The following MCF2L variants were observed in gnomAD, a reference collection of about 807,000 sequenced individuals.
The protein encoded by MCF2L is MCF.2 cell line derived transforming sequence like.
In MCF2L, 97 loss-of-function variants were observed where a neutral mutation model predicts 153.4. The ratio of observed to expected loss-of-function variants is 0.63; its 90% confidence interval spans 0.54 to 0.75. The LOEUF is 0.75. Ranked by LOEUF, MCF2L falls within the 30% of genes least tolerant of loss-of-function variation. The probability of loss-of-function intolerance (pLI) is 0.00; values close to 1 mark genes in which losing one functional copy is unlikely to be tolerated. For synonymous variants in MCF2L, 659 were observed against 632.2 expected (o/e 1.04, Z -0.64); for missense variants, 1,347 against 1,495.2 (o/e 0.90, Z 1.64).
At chr13:113,037,518 T>A (rs1181998840) in intron 3 of MCF2L, among the ~76,000 whole-genome samples, 1 of 152,214 alleles carries the variant, frequency 6.6e-6, no homozygotes, top group Non-Finnish European at 1.5e-5. Flanking sequence ...CATGTAAATG[T>A]TTCTGTTAGA....
chr13:112,976,191 CGTGTGT>C (rs56098508), intron 1 of MCF2L, among the ~76,000 whole-genome samples: 1 of 148,830 alleles, frequency 6.7e-6, no homozygotes, highest in South Asian at 2.1e-4. Flanking sequence ...TGTGTGTGTG[CGTGTGT>C]GTGTGTGTGT....
At position 113,096,446 on chromosome 13, in the gene MCF2L, G is replaced by A. The variant is rs182853129; in HGVS notation, c.3151G>A (p.Val1051Met). The change falls in exon 28 of 30, where the codon GTG becomes ATG. Residue 1051 changes from valine (V) to methionine (M), a missense_variant. By Grantham distance (21) the Val-to-Met change is conservative. Around this residue, in one of 3 missense-constraint regions of MCF2L, gnomAD observed 383 missense variants for 335.4 expected, o/e 1.14. Coordinates refer to ENST00000535094, the MANE Select transcript of MCF2L (RefSeq NM_001112732.3). Reference sequence around the variant, plus strand: ...TGCGCTGCGCGTGAGGAGCGGGGACGTGGTGGAGCTGGTGCAGGAGGGCGA... The same window carrying A: ...TGCGCTGCGCGTGAGGAGCGGGGACATGGTGGAGCTGGTGCAGGAGGGCGA... ...PDALRVRSGD[V>M]VELVQEGDEG... 21 of 1,594,380 alleles carry A rather than the reference G, an allele frequency of 1.3e-5. No individual in the cohort carries two copies. The highest frequency in any genetic ancestry group is 1.2e-4 in the African/African-American group (9 of 74,714).
chr13:113,087,426 T>A lies in MCF2L; in HGVS notation c.2565T>A (p.Ala855=). The change falls in exon 22 of 30, where the codon GCT becomes GCA. Residue 855 remains alanine, a synonymous_variant. Transcript: ENST00000535094. ...AGAATGGGGAGGGGTATGAGAAAGC[T>A]CCCTCCTACAGCTACAAGCAGTCCT... ...REENGEGYEK[A]PSYSYKQSLN... is the part of the protein sequence containing the mutation. 1 of 1,612,018 alleles carries A rather than the reference T, an allele frequency of 6.2e-7. No homozygotes were observed. The highest frequency in any genetic ancestry group is 8.5e-7 in the Non-Finnish European group (1 of 1,179,352).
Position 113,028,955 on chromosome 13 carries a change from T to C in MCF2L, c.278+4197T>C, listed in dbSNP as rs113001447. 3.3e-3 allele frequency among the ~76,000 whole-genome samples: 498 copies of C among 151,266 alleles called. 3 individuals carry two copies. Among genetic ancestry groups the C allele is most frequent in the African/African-American group, 0.012 (478 of 41,154 alleles). On this transcript the variant is annotated intron_variant, in intron 3 of 29. Transcript: ENST00000535094. This position sits in a 1 kb window ranked among gnomAD's most constrained non-coding sequence, Gnocchi z 5.4. ...GTGTGTGTGGTATGTGTGGACTATG[T>C]GAGGCATGTGTGGGGTGAGTGTGGG...
At chr13:112,931,369 G>A (rs191060223) in intron 2 of MCF2L, among the ~76,000 whole-genome samples, 9 of 152,350 alleles carry the variant, frequency 5.9e-5, no homozygotes, top group African/African-American at 2.2e-4. Context: ...CGGCAGTGCT[G>A]ACGCTGCTCT....
Position 113,022,648 on chromosome 13 carries a change from C to T in MCF2L, c.164-1996C>T, listed in dbSNP as rs146683592. Among the ~76,000 whole-genome samples the T allele has an allele frequency of 1.2e-3, 176 of 152,346 alleles. 1 individual carries two copies. Among genetic ancestry groups the T allele is most frequent in the African/African-American group, 3.7e-3 (152 of 41,580 alleles). ...GCGTGCCGCTTGCCTCGGCTTGTCCCGGCAGAACACTCTTACCTTTAATGG... is the reference window on the plus strand; with the variant it reads ...GCGTGCCGCTTGCCTCGGCTTGTCCTGGCAGAACACTCTTACCTTTAATGG... On this transcript the variant is annotated intron_variant, in intron 2 of 29. Transcript: ENST00000535094.
intron 1 of MCF2L, among the ~76,000 whole-genome samples, chr13:113,014,055 C>T (rs551392450): frequency 1.3e-5 from 2 of 152,122 alleles, no homozygotes; most frequent in African/African-American, 2.4e-5. Context: ...CCCCATGCTC[C>T]GAGCTGACGC....
intron 4 of MCF2L, among the ~76,000 whole-genome samples, chr13:113,052,945 A>T (rs143728346): frequency 1.4e-4 from 22 of 152,158 alleles, no homozygotes; most frequent in African/African-American, 5.3e-4. Flanking sequence ...ACATGCATAC[A>T]CTCAGAGACA....
In MCF2L at chr13:113,012,105, T is replaced by C. The variant is rs1413330907; in HGVS notation, c.80-2658T>C. Among the ~76,000 whole-genome samples, 60 of 83,800 alleles carry C rather than the reference T, an allele frequency of 7.2e-4. 1 individual carries two copies. Among genetic ancestry groups the C allele is most frequent in the African/African-American group, 2.1e-3 (49 of 23,068 alleles). The allele number at this position is 83,800 out of a possible 152,430, so 55.0% of individuals were successfully genotyped here. On this transcript the variant is annotated intron_variant, in intron 1 of 29. Coordinates refer to ENST00000535094, the MANE Select transcript of MCF2L (RefSeq NM_001112732.3). The stretch of plus-strand genomic sequence containing the variant: ...TGGACAGTGGACACTGCAGTGTGGA[T>C]GGTGGACAGGTGGTGTGGACGGTGG...
chr13:113,070,050 C>G lies in MCF2L; in HGVS notation c.882-9C>G. The G allele has an allele frequency of 6.2e-7, 1 of 1,604,460 alleles. No individual in the cohort carries two copies. The highest frequency in any genetic ancestry group is 8.5e-7 in the Non-Finnish European group (1 of 1,174,582). ...GCCACACAGACGGTCAACTCCTCCT[C>G]TTTCCCAGGCTCCTGGCCCAGCTGA... On this transcript the variant is annotated splice_polypyrimidine_tract_variant and intron_variant, in intron 8 of 29. Coordinates refer to ENST00000535094, the MANE Select transcript of MCF2L (RefSeq NM_001112732.3). This position sits in a 1 kb window ranked among gnomAD's most constrained non-coding sequence, Gnocchi z 5.6.
At chr13:113,061,580 C>T (rs1172437904) in intron 5 of MCF2L, among the ~76,000 whole-genome samples, 5 of 151,840 alleles carry the variant, frequency 3.3e-5, no homozygotes, top group Non-Finnish European at 7.4e-5. Context: ...CACCAGCCCT[C>T]CCTCCCCACC....
chr13:113,096,303 T>G, intron 27 of MCF2L, 68 bp from the exon 28 acceptor site: 3 of 1,259,954 alleles, frequency 2.4e-6, no homozygotes, highest in Non-Finnish European at 3.4e-6. Flanking sequence ...GCACTCCGCC[T>G]GGCTGCTGTG....
At chr13:112,902,437 T>G (rs1471727335) in intron 2 of MCF2L, 1 of 1,459,352 alleles carries the variant, frequency 6.9e-7, no homozygotes, top group Non-Finnish European at 9.3e-7. Flanking sequence ...ACCTGTGCTG[T>G]TCTTTGCTAT....
At chr13:112,979,769 A>T in intron 1 of MCF2L, 1 of 1,608,116 alleles carries the variant, frequency 6.2e-7, no homozygotes, top group Non-Finnish European at 8.5e-7. Context: ...GTGAGATACA[A>T]TGGGGTCGCA....
At chr13:113,096,080 G>A in intron 27 of MCF2L, 1 of 533,984 alleles carries the variant, frequency 1.9e-6, no homozygotes. Context: ...CCGGGAGGCG[G>A]GTATGCAGGC....
At chr13:113,055,312 G>T (rs1239727666) in intron 4 of MCF2L, among the ~76,000 whole-genome samples, 1 of 148,940 alleles carries the variant, frequency 6.7e-6, no homozygotes, top group Non-Finnish European at 1.5e-5. Flanking sequence ...TGCTGCAGGG[G>T]TATGCTTCAC....
At chr13:112,975,246 G>T (rs1405391926) in intron 1 of MCF2L, among the ~76,000 whole-genome samples, 1 of 152,240 alleles carries the variant, frequency 6.6e-6, no homozygotes, top group African/African-American at 2.4e-5. Context: ...AAGTACTGAA[G>T]TTAGAATGTC....
At chr13:113,055,376 C>CA (rs2087671256) in intron 4 of MCF2L, among the ~76,000 whole-genome samples, 1 of 60,390 alleles carries the variant, frequency 1.7e-5, no homozygotes, top group Non-Finnish European at 3.6e-5. Flanking sequence ...TGGACCCCCC[C>CA]CCCCGCCACA....
At position 113,082,457 on chromosome 13, in the gene MCF2L, A is replaced by G. The variant is rs2034236631; in HGVS notation, c.1906A>G (p.Met636Val). 5 of 1,613,946 alleles carry G rather than the reference A, an allele frequency of 3.1e-6. No individual in the cohort carries two copies. The highest frequency in any genetic ancestry group is 3.4e-6 in the Non-Finnish European group (4 of 1,179,890). ...CGCCGCGGAGATGGATAACCCACTG[A>G]TGGCTCACCTCCTGTCAACAGGCCT... ...GYAAEMDNPLMAHLLSTGLHN... is the reference protein window; with the variant it reads ...GYAAEMDNPLVAHLLSTGLHN... The change falls in exon 17 of 30, where the codon ATG (methionine) becomes GTG (valine). Residue 636 changes from methionine to valine, a missense_variant. This residue lies in a region of MCF2L where 820 missense variants were observed against 921.2 expected (regional missense o/e 0.89). Coordinates refer to ENST00000535094, the MANE Select transcript of MCF2L (RefSeq NM_001112732.3).
Sources: gnomAD v4.1 joint callset for allele counts (sites outside exome capture counted in the v4.1 genomes callset) on GRCh38, gnomAD v4.1.1 for gene constraint, gnomAD v4.1.1 regional missense constraint, Gnocchi (gnomAD v3.1) non-coding constraint, MANE v1.5 for transcripts, NCBI Gene and HGNC (gene_info 2026-07-23, HGNC 2026-07-21) for gene names.